Variants in CUX1 observed in about 807,000 individuals in gnomAD.
The protein encoded by CUX1 is protein CASP.
Under a neutral mutation model 158.8 loss-of-function variants are expected in CUX1, and 31 were observed. The observed-to-expected ratio is 0.20, with a 90% CI of 0.15 to 0.26. The LOEUF (loss-of-function observed/expected upper bound fraction) is 0.26. Among genes scored for constraint, CUX1 ranks in the 10% least tolerant of loss-of-function variants. CUX1 has a pLI of 1.00. For missense variants in CUX1, 1,589 were observed against 2,014.6 expected, an observed-to-expected ratio of 0.79 and a Z score of 4.04; for synonymous variants, 879 against 862.1, an observed-to-expected ratio of 1.02 and a Z score of -0.34.
intron 1 of CUX1, among the ~76,000 whole-genome samples, chr7:101,907,115 T>G (rs992848829): frequency 6.6e-6 from 1 of 152,192 alleles, no homozygotes; most frequent in Non-Finnish European, 1.5e-5. Context: ...TTGGGAAATA[T>G]GAGGTTAGAC....
intron 1 of CUX1, among the ~76,000 whole-genome samples, chr7:101,871,024 C>T (rs1439880930): frequency 6.6e-6 from 1 of 152,202 alleles, no homozygotes; most frequent in Non-Finnish European, 1.5e-5. Flanking sequence ...GGGTGTTGCC[C>T]AGAGCAGGGC....
intron 3 of CUX1, among the ~76,000 whole-genome samples, chr7:102,059,678 C>T (rs1038428668): frequency 2.6e-5 from 4 of 151,506 alleles, no homozygotes; most frequent in Non-Finnish European, 5.9e-5. Context: ...ATTTGGCCTG[C>T]GTACGTGTCT....
intron 11 of CUX1, among the ~76,000 whole-genome samples, chr7:102,189,328 C>G (rs1178560350): frequency 6.8e-6 from 1 of 147,784 alleles, no homozygotes; most frequent in African/African-American, 2.6e-5. Context: ...CTCTGCTTTT[C>G]ACCTCTGCAA....
Position 102,249,337 on chromosome 7 carries a change from C to A in CUX1, c.*295C>A. ...CGGCCTGGACCCCTGGACCGCTTTG[C>A]GCACTTACCGCCCTGCGGGCCACAG... On this transcript the variant is annotated 3_prime_UTR_variant, in exon 24 of 24. Coordinates refer to ENST00000292535, the MANE Select transcript of CUX1 (RefSeq NM_181552.4). The A allele has an allele frequency of 2.0e-6, 2 of 1,014,968 alleles. No homozygotes were observed. Among genetic ancestry groups the A allele is most frequent in the Non-Finnish European group, 2.4e-6 (2 of 848,694 alleles). 62.9% of individuals were successfully genotyped at this position (1,014,968 alleles called of 1,614,324 possible).
At chr7:102,232,843 C>T (rs1554531277) in intron 21 of CUX1, among the ~76,000 whole-genome samples, 1 of 152,198 alleles carries the variant, frequency 6.6e-6, no homozygotes, top group African/African-American at 2.4e-5. Context: ...TTTTGATCCA[C>T]TTCCAGTTAC....
At chr7:102,240,246 A>G (rs1304034549) in intron 23 of CUX1, among the ~76,000 whole-genome samples, 1 of 152,134 alleles carries the variant, frequency 6.6e-6, no homozygotes, top group Non-Finnish European at 1.5e-5. Context: ...TAGTTTATAT[A>G]TATCTATATT....
At chr7:102,210,763 T>C (rs1554522905) in intron 20 of CUX1, among the ~76,000 whole-genome samples, 1 of 152,202 alleles carries the variant, frequency 6.6e-6, no homozygotes, top group Non-Finnish European at 1.5e-5. Context: ...AGAAGACAGC[T>C]GCTATGGTCT....
At chr7:102,169,678 G>C (rs1053945217) in intron 9 of CUX1, among the ~76,000 whole-genome samples, 1 of 152,230 alleles carries the variant, frequency 6.6e-6, no homozygotes, top group African/African-American at 2.4e-5. Context: ...ACCCTGTCGG[G>C]TGGTGGGCAC....
chr7:102,142,427 G>A (rs1314718484), intron 8 of CUX1, among the ~76,000 whole-genome samples: 1 of 152,160 alleles, frequency 6.6e-6, no homozygotes, highest in Non-Finnish European at 1.5e-5. Context: ...AATGGGTATA[G>A]ATGACAGAAC....
rs542521734 is a variant in CUX1 at position 101,857,750 on chromosome 7, T to G, written c.30+40081T>G. Reference sequence around the variant, plus strand: ...CATAATTGCAAGGAGCTTTGTTTCGTTTTATTTTGCAGGGAATTTTTTTCC... The same window carrying G: ...CATAATTGCAAGGAGCTTTGTTTCGGTTTATTTTGCAGGGAATTTTTTTCC... On this transcript the variant is annotated intron_variant, in intron 1 of 23. Transcript: ENST00000292535. Among the ~76,000 whole-genome samples, 11 of 139,512 alleles carry G rather than the reference T, an allele frequency of 7.9e-5. No homozygotes were observed. In the East Asian group the frequency reaches 2.4e-3, roughly 31 times the overall value. The allele number at this position is 139,512 out of a possible 152,430, so 91.5% of individuals were successfully genotyped here.
In CUX1 at chr7:102,194,239, A is replaced by G. The variant is rs78472390; in HGVS notation, c.1125+349A>G. The G allele has an allele frequency of 3.8e-3, 994 of 258,410 alleles. 6 individuals carry two copies. The highest frequency in any genetic ancestry group is 5.4e-3 in the Non-Finnish European group (730 of 134,958). The allele number at this position is 258,410 out of a possible 1,614,324, so 16.0% of individuals were successfully genotyped here. On this transcript the variant is annotated intron_variant, in intron 13 of 23. Transcript: ENST00000292535. ...AAAGCTAGTGTTTTCCAAACTGGTA[A>G]CTGAAGTGAAATTGTGATTTCACTT...
At chr7:101,890,849 A>G (rs539950391) in intron 1 of CUX1, among the ~76,000 whole-genome samples, 7 of 151,492 alleles carry the variant, frequency 4.6e-5, no homozygotes, top group Middle Eastern at 3.4e-3. Flanking sequence ...CACTTTACAC[A>G]CTCATATGAG....
rs2132691967 is a variant in CUX1, at chr7:102,255,416, G to A, written c.*6374G>A. 1 of 983,836 alleles carries A rather than the reference G, an allele frequency of 1.0e-6. No individual in the cohort carries two copies. 60.9% of individuals were successfully genotyped at this position (983,836 alleles called of 1,614,324 possible). ...AAAAAAAAGACAAAAAAAAAAGGCT[G>A]GCGAGAGAAAGACATTTGGCTATGC... On this transcript the variant is annotated 3_prime_UTR_variant, in exon 24 of 24. Transcript: ENST00000292535.
intron 1 of CUX1, among the ~76,000 whole-genome samples, chr7:101,825,313 A>T (rs1334666096): frequency 6.6e-6 from 1 of 152,168 alleles, no homozygotes; most frequent in Non-Finnish European, 1.5e-5. Flanking sequence ...GAATTGCTTT[A>T]TTTCAGCCGT....
In CUX1 at chr7:101,929,851, C is replaced by CT. The variant is rs768719768; in HGVS notation, c.141+13633dup. Among the ~76,000 whole-genome samples the CT allele has an allele frequency of 1.4e-4, 22 of 151,940 alleles. No individual in the cohort carries two copies. In the East Asian group the frequency reaches 3.9e-3, roughly 27 times the overall value. On this transcript the variant is annotated intron_variant, in intron 2 of 23. Coordinates refer to ENST00000292535, the MANE Select transcript of CUX1 (RefSeq NM_181552.4). ...AGGGTTCCAGAAGCCAATTTTTTTT[C>CT]TTTTTTTGAGACAGATTTTTGTTCT...
At chr7:102,181,565 C>T (rs1793087663) in intron 11 of CUX1, among the ~76,000 whole-genome samples, 1 of 152,232 alleles carries the variant, frequency 6.6e-6, no homozygotes, top group South Asian at 2.1e-4. Context: ...TGTTCGTTAT[C>T]CGTATCTTGG....
At chr7:102,175,513 A>G (rs868916884) in intron 10 of CUX1, among the ~76,000 whole-genome samples, 106 of 152,044 alleles carry the variant, frequency 7.0e-4, no homozygotes, top group African/African-American at 2.2e-3. Context: ...CCACATGTCC[A>G]GGCGCCTCTG....
chr7:102,097,223 C>A, intron 4 of CUX1, 141 bp from the exon 5 acceptor site: 3 of 981,014 alleles, frequency 3.1e-6, no homozygotes. Context: ...AGCAAGGGGG[C>A]TGGCTGCAGG....
intron 6 of CUX1, among the ~76,000 whole-genome samples, chr7:102,105,646 G>C (rs575387736): frequency 6.6e-6 from 1 of 151,764 alleles, no homozygotes; most frequent in Admixed American, 6.6e-5. Context: ...CCAAGAAGCT[G>C]GGATTACAGG....
Sources: gnomAD v4.1 joint callset for allele counts (sites outside exome capture counted in the v4.1 genomes callset) on GRCh38, gnomAD v4.1.1 for gene constraint, MANE v1.5 for transcripts, NCBI Gene and HGNC (gene_info 2026-07-23, HGNC 2026-07-21) for gene names.